COTL1: variants seen among roughly 807,000 people sequenced by gnomAD.
The protein encoded by COTL1 is coactosin-like protein.
A neutral mutation model predicts 16.5 loss-of-function variants in COTL1; 15 were observed. That is an observed-to-expected ratio of 0.91 (90% CI 0.61 to 1.40). The LOEUF is 1.40. COTL1 is among the 40% of genes most tolerant of loss of function. COTL1 has a pLI of 0.00. For synonymous variants in COTL1, 112 were observed against 85.3 expected, an observed-to-expected ratio of 1.31 and a Z score of -1.73; for missense variants, 220 against 201.5, an observed-to-expected ratio of 1.09 and a Z score of -0.56.
chr16:84,607,721 G>A (rs1175441857), intron 2 of COTL1, among the ~76,000 whole-genome samples: 3 of 152,028 alleles, frequency 2.0e-5, no homozygotes, highest in African/African-American at 7.3e-5. Flanking sequence ...AGTGGGAGGC[G>A]GGGGAGCAAT....
intron 3 of COTL1, among the ~76,000 whole-genome samples, chr16:84,582,859 A>C (rs28502844): frequency 0.22 from 33,622 of 152,136 alleles, 3,913 homozygotes; most frequent in Non-Finnish European, 0.27. Context: ...TGGCGCCAGA[A>C]TATCAACTTG....
intron 2 of COTL1, chr16:84,615,885 G>C (rs1905468523): frequency 6.7e-6 from 1 of 148,918 alleles, no homozygotes; most frequent in South Asian, 2.2e-4. Context: ...GTGCGCGCAC[G>C]CGGGTTCTCA....
At chr16:84,576,967 C>G (rs1011940696) in intron 3 of COTL1, 1 of 152,174 alleles carries the variant, frequency 6.6e-6, no homozygotes, top group African/African-American at 2.4e-5. Flanking sequence ...GTGATGATGA[C>G]CAATAAACCA....
At chr16:84,598,021 C>T (rs1398019009) in intron 2 of COTL1, among the ~76,000 whole-genome samples, 3 of 152,186 alleles carry the variant, frequency 2.0e-5, no homozygotes, top group South Asian at 2.1e-4. Flanking sequence ...TCACACTGAG[C>T]CCCATCTCAG....
intron 2 of COTL1, among the ~76,000 whole-genome samples, chr16:84,602,584 G>A (rs1338178487): frequency 1.3e-5 from 2 of 152,170 alleles, no homozygotes; most frequent in African/African-American, 4.8e-5. Flanking sequence ...GCCAGACGCA[G>A]TGGCTCATGC....
At chr16:84,601,881 C>G (rs183674082) in intron 2 of COTL1, among the ~76,000 whole-genome samples, 12 of 152,172 alleles carry the variant, frequency 7.9e-5, no homozygotes. Flanking sequence ...CCTCTGCTGG[C>G]AAGTTCAAAA....
rs925158106 is a variant in COTL1, at chr16:84,570,262, G to A, written c.319-3307C>T. Reference sequence around the variant, plus strand: ...CTGCACTCCAGCCTGGCAACAGAGCGAGATTCCATCTCAAAAAAAGAAAAA... The same window carrying A: ...CTGCACTCCAGCCTGGCAACAGAGCAAGATTCCATCTCAAAAAAAGAAAAA... On this transcript the variant is annotated intron_variant, in intron 3 of 3. Transcript: ENST00000262428. Among the ~76,000 whole-genome samples, 21 of 152,164 alleles carry A rather than the reference G, an allele frequency of 1.4e-4. 1 individual carries two copies. Among genetic ancestry groups the A allele is most frequent in the South Asian group, 4.1e-4 (2 of 4,830 alleles).
chr16:84,615,621 T>C (rs993302479), intron 2 of COTL1, among the ~76,000 whole-genome samples: 3 of 152,194 alleles, frequency 2.0e-5, no homozygotes, highest in African/African-American at 4.8e-5. Flanking sequence ...GCAGAAATAC[T>C]GCTGACTCTC....
intron 2 of COTL1, among the ~76,000 whole-genome samples, chr16:84,607,633 C>T (rs1238889160): frequency 1.3e-5 from 2 of 152,012 alleles, no homozygotes; most frequent in Non-Finnish European, 1.5e-5. Flanking sequence ...CTGGAGGGGT[C>T]GGCTGGCCAG....
At chr16:84,605,969 T>C (rs1905203819) in intron 2 of COTL1, among the ~76,000 whole-genome samples, 1 of 152,198 alleles carries the variant, frequency 6.6e-6, no homozygotes, top group Admixed American at 6.5e-5. Flanking sequence ...GCAAGGAAGC[T>C]TACCTAAGTA....
intron 2 of COTL1, among the ~76,000 whole-genome samples, chr16:84,607,096 C>T (rs1203765051): frequency 1.3e-5 from 2 of 152,214 alleles, no homozygotes; most frequent in African/African-American, 4.8e-5. Flanking sequence ...AAGGATACCA[C>T]CACCAAAGGG....
intron 2 of COTL1, chr16:84,615,920 C>T (rs1905470079): frequency 6.6e-6 from 1 of 152,008 alleles, no homozygotes; most frequent in Non-Finnish European, 1.5e-5. Context: ...CTAGTAGTCA[C>T]ACCACAAATA....
chr16:84,602,658 C>T (rs916910878), intron 2 of COTL1, among the ~76,000 whole-genome samples: 46 of 152,220 alleles, frequency 3.0e-4, no homozygotes, highest in African/African-American at 1.1e-3. Flanking sequence ...AATTCGAGAC[C>T]AGCCTGGCCA....
chr16:84,595,323 C>T (rs1265087352), intron 2 of COTL1: 1 of 151,972 alleles, frequency 6.6e-6, no homozygotes, highest in African/African-American at 2.4e-5. Context: ...TCACGTTATG[C>T]TTACAAATGT....
intron 3 of COTL1, chr16:84,568,031 C>T (rs1250295803): frequency 1.3e-5 from 2 of 152,076 alleles, no homozygotes; most frequent in African/African-American, 2.4e-5. Flanking sequence ...GAGAGAAAAG[C>T]CTGTTGCCCA....
chr16:84,616,249 C>T (rs1314943022), intron 2 of COTL1: 2 of 152,244 alleles, frequency 1.3e-5, no homozygotes, highest in African/African-American at 2.4e-5. Context: ...GCCTGTAATC[C>T]CAGCACTTTG....
At chr16:84,574,384 G>A (rs896683501) in intron 3 of COTL1, among the ~76,000 whole-genome samples, 2 of 152,150 alleles carry the variant, frequency 1.3e-5, no homozygotes, top group East Asian at 1.9e-4. Flanking sequence ...TGGGGGCACC[G>A]TCACCTGTGG....
chr16:84,566,924 C>A lies in COTL1; in HGVS notation c.350G>T (p.Arg117Leu). Reference protein sequence around the residue: ...NFAKEFVISDRKELEEDFIKS... With the variant: ...NFAKEFVISDLKELEEDFIKS... Reference sequence around the variant, plus strand: ...GATGAAATCTTCCTCCAGCTCCTTCCGATCACTGATCACAAACTCCTTAGC... The same window carrying A: ...GATGAAATCTTCCTCCAGCTCCTTCAGATCACTGATCACAAACTCCTTAGC... Residue 117 changes from arginine (R) to leucine (L), a missense_variant, in exon 4 of 4, where the codon CGG (arginine) becomes CTG (leucine). Physicochemically the swap from Arg to Leu is moderately radical, Grantham distance 102 (BLOSUM62 -2). Transcript: ENST00000262428. The A allele has an allele frequency of 6.2e-7, 1 of 1,613,944 alleles. No individual in the cohort carries two copies. Among genetic ancestry groups the A allele is most frequent in the African/African-American group, 1.3e-5 (1 of 75,034 alleles).
rs112335989 is a variant in COTL1 at position 84,615,853 on chromosome 16, T to TTGTGTGTGTGTGTGTGTGTGTG, written c.160+1626_160+1647dup. Among the ~76,000 whole-genome samples, 575 of 149,770 alleles carry TTGTGTGTGTGTGTGTGTGTGTG rather than the reference T, an allele frequency of 3.8e-3. 5 individuals are homozygous for TTGTGTGTGTGTGTGTGTGTGTG. The highest frequency in any genetic ancestry group is 0.014 in the African/African-American group (551 of 40,542). ...CAGCGCTCAAGGAGTAATTTTAGTT[T>TTGTGTGTGTGTGTGTGTGTGTG]TGTGTGTGTGTGTGTGTGTGTGTGC... On this transcript the variant is annotated intron_variant, in intron 2 of 3. Coordinates refer to ENST00000262428, the MANE Select transcript of COTL1 (RefSeq NM_021149.5).
Sources: gnomAD v4.1 joint callset for allele counts (sites outside exome capture counted in the v4.1 genomes callset) on GRCh38, gnomAD v4.1.1 for gene constraint, MANE v1.5 for transcripts, NCBI Gene and HGNC (gene_info 2026-07-23, HGNC 2026-07-21) for gene names.